EFCAB3: variants seen among roughly 807,000 people sequenced by gnomAD.
The protein encoded by EFCAB3 is EF-hand calcium-binding domain-containing protein 3.
EFCAB3 carries 36 observed loss-of-function variants against 42.2 expected under a neutral mutation model. That is an observed-to-expected ratio of 0.85 (90% CI 0.65 to 1.13). The LOEUF is 1.13. EFCAB3 is among the 50% of genes most tolerant of loss of function. The pLI is 0.00. For synonymous variants in EFCAB3, 170 were observed against 172.8 expected (o/e 0.98, Z 0.13); for missense variants, 418 against 505.1 (o/e 0.83, Z 1.65).
chr17:62,408,518 A>G (rs1288762144), intron 8 of EFCAB3, among the ~76,000 whole-genome samples: 1 of 152,214 alleles, frequency 6.6e-6, no homozygotes, highest in Admixed American at 6.5e-5. Context: ...TCAAAACCTG[A>G]GCCTTCCAAT....
chr17:62,389,290 G>A (rs2070282453), intron 3 of EFCAB3, among the ~76,000 whole-genome samples: 1 of 152,202 alleles, frequency 6.6e-6, no homozygotes. Context: ...GAAGGCAGGT[G>A]GTTGAGGATA....
chr17:62,375,068 T>C (rs1422427849), intron 2 of EFCAB3, among the ~76,000 whole-genome samples: 1 of 152,166 alleles, frequency 6.6e-6, no homozygotes, highest in Non-Finnish European at 1.5e-5. Flanking sequence ...GAACTGTGAT[T>C]GCACCACTGC....
At position 62,407,272 on chromosome 17, in the gene EFCAB3, A is replaced by C; in HGVS notation, c.867+60A>C. On this transcript the variant is annotated intron_variant, in intron 8 of 9. Transcript: ENST00000305286. The stretch of plus-strand genomic sequence containing the variant: ...TTGGATTTTTAAGCACTAACTTAAC[A>C]GAACTAATGACATGCTTTTTACAAC... 3 of 1,353,962 alleles carry C rather than the reference A, an allele frequency of 2.2e-6. No homozygotes were observed. In the South Asian group the frequency reaches 5.7e-5, roughly 26 times the overall value. The allele number at this position is 1,353,962 out of a possible 1,614,324, so 83.9% of individuals were successfully genotyped here.
intron 6 of EFCAB3, among the ~76,000 whole-genome samples, chr17:62,403,256 T>G (rs2070419769): frequency 6.6e-6 from 1 of 152,190 alleles, no homozygotes; most frequent in Non-Finnish European, 1.5e-5. Context: ...TCTCATTCCC[T>G]ACATCCAACC....
intron 6 of EFCAB3, among the ~76,000 whole-genome samples, chr17:62,396,397 A>G (rs889013922): frequency 3.3e-5 from 5 of 152,002 alleles, no homozygotes; most frequent in Non-Finnish European, 7.4e-5. Flanking sequence ...TACTAAAAAT[A>G]CAAAAATTAG....
At chr17:62,399,862 G>C (rs774199016) in intron 6 of EFCAB3, among the ~76,000 whole-genome samples, 2 of 152,056 alleles carry the variant, frequency 1.3e-5, no homozygotes, top group African/African-American at 4.8e-5. Context: ...TTTATTATCT[G>C]TATTCTCATG....
intron 4 of EFCAB3, among the ~76,000 whole-genome samples, chr17:62,392,872 C>T (rs542991030): frequency 6.6e-5 from 10 of 152,210 alleles, no homozygotes; most frequent in East Asian, 1.9e-4. Context: ...CTCCTGACTT[C>T]GTGATCCGCC....
chr17:62,410,750 G>A (rs1290980897), intron 8 of EFCAB3, among the ~76,000 whole-genome samples: 1 of 152,108 alleles, frequency 6.6e-6, no homozygotes, highest in Non-Finnish European at 1.5e-5. Flanking sequence ...GTTAACAAGT[G>A]GCAATAGATC....
intron 1 of EFCAB3, chr17:62,373,763 T>C: frequency 9.4e-7 from 1 of 1,060,674 alleles, no homozygotes; most frequent in East Asian, 2.6e-5. Flanking sequence ...TTCACAACTG[T>C]TATGAATTTT....
chr17:62,415,372 C>T (rs1477588864), intron 9 of EFCAB3, among the ~76,000 whole-genome samples: 3 of 152,202 alleles, frequency 2.0e-5, no homozygotes, highest in Non-Finnish European at 4.4e-5. Flanking sequence ...AACAGTGGGT[C>T]ACTACAGCAT....
intron 1 of EFCAB3, among the ~76,000 whole-genome samples, chr17:62,372,661 A>G (rs1407259625): frequency 1.3e-5 from 2 of 152,174 alleles, no homozygotes; most frequent in African/African-American, 2.4e-5. Flanking sequence ...TACTCCTTTA[A>G]TAATTCCTTT....
In EFCAB3 at chr17:62,387,359, T is replaced by G. The variant is rs777070904; in HGVS notation, c.94T>G (p.Ser32Ala). The G allele has an allele frequency of 1.2e-6, 2 of 1,611,546 alleles. No individual in the cohort carries two copies. The highest frequency in any genetic ancestry group is 1.7e-5 in the Admixed American group (1 of 59,914). Reference protein sequence around the residue: ...HNKRDRDLPGSLQCQLQHKEK... With the variant: ...HNKRDRDLPGALQCQLQHKEK... ...CCTCAGGGATAGAGACTTACCAGGATCTCTTCAATGCCAATTACAACACAA... is the reference window on the plus strand; with the variant it reads ...CCTCAGGGATAGAGACTTACCAGGAGCTCTTCAATGCCAATTACAACACAA... The change falls in exon 3 of 10, where the codon TCT becomes GCT. Residue 32 changes from serine (S) to alanine (A), a missense_variant. Physicochemically the swap from Ser to Ala is moderately conservative, Grantham distance 99. Transcript: ENST00000305286.
intron 6 of EFCAB3, 53 bp downstream of exon 6, chr17:62,395,241 T>C: frequency 6.3e-7 from 1 of 1,597,878 alleles, no homozygotes; most frequent in Non-Finnish European, 8.5e-7. Context: ...ATTATGAAGA[T>C]ATTAACATGG....
chr17:62,386,793 G>A, intron 2 of EFCAB3, among the ~76,000 whole-genome samples: 1 of 149,262 alleles, frequency 6.7e-6, no homozygotes, highest in East Asian at 2.0e-4. Flanking sequence ...GTTTTTTGGG[G>A]TTTGTTTTTT....
At chr17:62,406,947 A>T in intron 7 of EFCAB3, 81 bp from the exon 8 acceptor site, 1 of 1,450,912 alleles carries the variant, frequency 6.9e-7, no homozygotes, top group Non-Finnish European at 9.3e-7. Flanking sequence ...AGACAAAGCA[A>T]AACAGGCACC....
chr17:62,378,165 A>C (rs757676296), upstream of EFCAB3: 4 of 642,804 alleles, frequency 6.2e-6, no homozygotes, highest in Non-Finnish European at 7.8e-6. Context: ...GAACACCGTT[A>C]TCTCTCCAAC....
chr17:62,372,075 A>G (rs539160136), intron 1 of EFCAB3, among the ~76,000 whole-genome samples: 3 of 152,356 alleles, frequency 2.0e-5, no homozygotes, highest in African/African-American at 4.8e-5. Context: ...AAGGAGACAT[A>G]CTTCGCTTTC....
upstream of EFCAB3, among the ~76,000 whole-genome samples, chr17:62,378,452 C>T (rs1284355489): frequency 6.6e-6 from 1 of 152,052 alleles, no homozygotes; most frequent in African/African-American, 2.4e-5. Flanking sequence ...AATCCTAGAG[C>T]CTTGGGAGGC....
chr17:62,386,524 TCAC>T (rs2070253208), intron 2 of EFCAB3, among the ~76,000 whole-genome samples: 1 of 151,938 alleles, frequency 6.6e-6, no homozygotes, highest in African/African-American at 2.4e-5. Flanking sequence ...GTAAGGGTAT[TCAC>T]CACAACAACG....
Sources: allele counts gnomAD v4.1 joint callset (sites outside exome capture counted in the v4.1 genomes callset), GRCh38; gene constraint gnomAD v4.1.1; transcripts MANE v1.5; gene names NCBI Gene and HGNC (gene_info 2026-07-23, HGNC 2026-07-21).